ANXA8: variants seen among roughly 807,000 people sequenced by gnomAD.
ANXA8 encodes the protein annexin A8.
ANXA8 carries 9 observed loss-of-function variants against 26.8 expected under a neutral mutation model. That is an observed-to-expected ratio of 0.34 (90% CI 0.20 to 0.59). ANXA8 has a LOEUF of 0.59. ANXA8 is among the 20% of genes least tolerant of loss of function. The pLI is 0.84. For missense variants in ANXA8, 83 were observed against 238.5 expected, an observed-to-expected ratio of 0.35 and a Z score of 4.29; for synonymous variants, 39 against 94.8, an observed-to-expected ratio of 0.41 and a Z score of 3.42.
the ANXA8 span, chr10:47,502,739 C>T: frequency 5.0e-6 from 8 of 1,594,072 alleles, no homozygotes; most frequent in Non-Finnish European, 6.9e-6. Flanking sequence ...AGGGCCATGG[C>T]CTCACTCTGG....
the ANXA8 span, among the ~76,000 whole-genome samples, chr10:47,497,619 CA>C: frequency 6.0e-4 from 68 of 114,088 alleles, 1 homozygote; most frequent in Admixed American, 1.6e-3. Context: ...ACCTCCATCT[CA>C]AAAAAAAAAA....
At chr10:47,947,322 G>A in the ANXA8 span, among the ~76,000 whole-genome samples, 15 of 139,470 alleles carry the variant, frequency 1.1e-4, no homozygotes, top group African/African-American at 1.7e-4. Context: ...AGGAATCAGT[G>A]GCAGGCCTCT....
the ANXA8 span, among the ~76,000 whole-genome samples, chr10:47,926,023 A>G: frequency 4.6e-5 from 2 of 43,846 alleles, no homozygotes; most frequent in African/African-American, 1.8e-4. Flanking sequence ...ATCTTGCTGG[A>G]TATCTTTTTT....
the ANXA8 span, among the ~76,000 whole-genome samples, chr10:47,708,406 A>C: frequency 7.0e-6 from 1 of 142,936 alleles, no homozygotes. Context: ...AATTATCCTA[A>C]GTGAATTGAG....
the ANXA8 span, among the ~76,000 whole-genome samples, chr10:47,656,630 T>A: frequency 7.3e-6 from 1 of 137,014 alleles, no homozygotes; most frequent in East Asian, 2.1e-4. Context: ...GATGTTACTA[T>A]TAATGATTTA....
At chr10:47,697,022 T>C in the ANXA8 span, among the ~76,000 whole-genome samples, 2 of 151,840 alleles carry the variant, frequency 1.3e-5, no homozygotes. Flanking sequence ...CTTTCTTCTT[T>C]AATGTCCAGT....
chr10:47,570,652 C>T, the ANXA8 span, among the ~76,000 whole-genome samples: 16 of 150,474 alleles, frequency 1.1e-4, no homozygotes, highest in African/African-American at 3.7e-4. Context: ...CGTGATGGTG[C>T]ATGGCTGTGG....
the ANXA8 span, among the ~76,000 whole-genome samples, chr10:47,525,779 A>T: frequency 2.5e-5 from 3 of 121,364 alleles, no homozygotes; most frequent in East Asian, 3.7e-4. Flanking sequence ...TTAACCTTTT[A>T]TGCTTCAACC....
the ANXA8 span, among the ~76,000 whole-genome samples, chr10:47,702,587 C>G: frequency 4.6e-5 from 7 of 151,506 alleles, no homozygotes; most frequent in African/African-American, 1.7e-4. Context: ...ATGATCTGCC[C>G]ACTTTGGCCT....
the ANXA8 span, among the ~76,000 whole-genome samples, chr10:47,968,768 T>C: frequency 2.0e-5 from 3 of 150,768 alleles, no homozygotes; most frequent in Non-Finnish European, 4.4e-5. Context: ...AAGCCCCTTT[T>C]CTAGCCACTG....
At chr10:47,668,561 A>G in the ANXA8 span, among the ~76,000 whole-genome samples, 2 of 151,826 alleles carry the variant, frequency 1.3e-5, no homozygotes, top group Non-Finnish European at 2.9e-5. Context: ...TATCTTCTGT[A>G]TTCTTTCCAT....
the ANXA8 span, among the ~76,000 whole-genome samples, chr10:47,497,322 A>C: frequency 0.026 from 2,564 of 99,210 alleles, 104 homozygotes; most frequent in African/African-American, 0.089. Context: ...TCCATCACAA[A>C]AAAAAAAAAA....
At chr10:47,632,422 A>G in the ANXA8 span, among the ~76,000 whole-genome samples, 1 of 149,108 alleles carries the variant, frequency 6.7e-6, no homozygotes, top group African/African-American at 2.6e-5. Context: ...TTATAACACT[A>G]AGAACCTAGA....
At chr10:47,756,785 G>A in the ANXA8 span, among the ~76,000 whole-genome samples, 1 of 150,146 alleles carries the variant, frequency 6.7e-6, no homozygotes, top group African/African-American at 2.4e-5. Flanking sequence ...TGTATTCTGG[G>A]AGGCCAAGCA....
At chr10:47,776,251 G>A in the ANXA8 span, among the ~76,000 whole-genome samples, 1 of 150,054 alleles carries the variant, frequency 6.7e-6, no homozygotes, top group South Asian at 2.2e-4. Flanking sequence ...CAAGTTGCAG[G>A]TGGTCTGAGA....
upstream of ANXA8, chr10:47,487,428 T>C: frequency 2.9e-6 from 3 of 1,041,518 alleles, 1 homozygote; most frequent in Admixed American, 5.2e-5. Flanking sequence ...AGAGGAAGAA[T>C]GTCCTAGTGA....
At chr10:47,695,510 T>C in the ANXA8 span, among the ~76,000 whole-genome samples, 9 of 151,648 alleles carry the variant, frequency 5.9e-5, no homozygotes, top group African/African-American at 2.2e-4. Flanking sequence ...GATTTGGACA[T>C]TGCTGAGTTT....
the ANXA8 span, among the ~76,000 whole-genome samples, chr10:47,982,271 C>A: frequency 6.7e-6 from 1 of 149,708 alleles, no homozygotes; most frequent in Admixed American, 6.7e-5. Context: ...GCCTGGGCAA[C>A]AGAACAAGAC....
the ANXA8 span, among the ~76,000 whole-genome samples, chr10:47,687,045 A>C: frequency 6.6e-6 from 1 of 151,626 alleles, no homozygotes; most frequent in Non-Finnish European, 1.5e-5. Flanking sequence ...TTGAGGCTGC[A>C]GTGAGCCATG....
Sources: allele counts gnomAD v4.1 joint callset (sites outside exome capture counted in the v4.1 genomes callset), GRCh38; gene constraint gnomAD v4.1.1; transcripts MANE v1.5; gene names NCBI Gene and HGNC (gene_info 2026-07-23, HGNC 2026-07-21).